NRG1: variants seen among roughly 807,000 people sequenced by gnomAD.
NRG1 encodes the protein neuregulin 1.
In NRG1, 18 loss-of-function variants were observed where a neutral mutation model predicts 63.8. That is an observed-to-expected ratio of 0.28 (90% confidence interval 0.19 to 0.42). The LOEUF (loss-of-function observed/expected upper bound fraction) is 0.42, where lower values mean the gene tolerates loss of function less well. Ranked by LOEUF, NRG1 falls within the 10% of genes least tolerant of loss-of-function variation. NRG1 has a pLI of 1.00. For synonymous variants in NRG1, 302 were observed against 301.3 expected, an observed-to-expected ratio of 1.00 and a Z score of -0.02; for missense variants, 762 against 814.7, an observed-to-expected ratio of 0.94 and a Z score of 0.79.
intron 1 of NRG1, among the ~76,000 whole-genome samples, chr8:32,300,328 G>A (rs1446523471): frequency 3.9e-5 from 6 of 152,292 alleles, no homozygotes; most frequent in Non-Finnish European, 8.8e-5. Context: ...AATTAGTATA[G>A]CCAAATTTTA....
chr8:31,711,275 T>C (rs1024905441), intron 1 of NRG1, among the ~76,000 whole-genome samples: 8 of 152,194 alleles, frequency 5.3e-5, no homozygotes, highest in Admixed American at 2.0e-4. Flanking sequence ...CCTACTACTG[T>C]CGTCAAGAAA....
chr8:31,721,397 C>T lies in NRG1; in HGVS notation c.37+81966C>T, dbSNP rs189688780. Among the ~76,000 whole-genome samples the T allele has an allele frequency of 4.5e-3, 682 of 152,176 alleles. 8 individuals carry two copies. The highest frequency in any genetic ancestry group is 0.015 in the African/African-American group (639 of 41,510). ...TTTAGAACTAAGATAGGCATAATTC[C>T]TAATTTATCTGTGCTCCCCCTTATG... On this transcript the variant is annotated intron_variant, in intron 1 of 10. Coordinates refer to the NRG1 transcript ENST00000519301.
chr8:32,688,263 T>C (rs901132329), intron 5 of NRG1, among the ~76,000 whole-genome samples: 2 of 152,334 alleles, frequency 1.3e-5, no homozygotes, highest in Admixed American at 1.3e-4. Context: ...CAGTGCTCTT[T>C]ATACTTTTCA....
chr8:32,717,964 T>A (rs1564018439), intron 5 of NRG1, among the ~76,000 whole-genome samples: 1 of 152,164 alleles, frequency 6.6e-6, no homozygotes, highest in Non-Finnish European at 1.5e-5. Context: ...TTTCCTGGAG[T>A]GAAGATGCTT....
intron 6 of NRG1, 24 bp from the exon 7 acceptor site, chr8:32,741,984 G>A (rs1160147537): frequency 1.3e-6 from 2 of 1,560,326 alleles, no homozygotes; most frequent in South Asian, 1.2e-5. Flanking sequence ...TTTTTTTTTT[G>A]CTTACCACAT....
chr8:31,673,497 C>T (rs1807368964), intron 1 of NRG1, among the ~76,000 whole-genome samples: 1 of 152,172 alleles, frequency 6.6e-6, no homozygotes, highest in Non-Finnish European at 1.5e-5. Flanking sequence ...ACCAGATCAT[C>T]AAGCTTATTA....
At chr8:31,871,374 C>G (rs1248797980) in intron 1 of NRG1, among the ~76,000 whole-genome samples, 1 of 152,112 alleles carries the variant, frequency 6.6e-6, no homozygotes, top group South Asian at 2.1e-4. Context: ...GTTGCGTTGC[C>G]ATAAGAGACC....
At chr8:32,759,275 ATCT>A (rs1290606650) in intron 9 of NRG1, 28 bp from the exon 10 acceptor site, 2 of 1,607,028 alleles carry the variant, frequency 1.2e-6, no homozygotes, top group Admixed American at 1.7e-5. Flanking sequence ...ATCTACGTGA[ATCT>A]TCAAGTTGTG....
chr8:31,700,742 C>G (rs1810547659), intron 1 of NRG1, among the ~76,000 whole-genome samples: 1 of 152,118 alleles, frequency 6.6e-6, no homozygotes, highest in South Asian at 2.1e-4. Flanking sequence ...TTCCTATGCC[C>G]TCCCTGTTTG....
intron 7 of NRG1, among the ~76,000 whole-genome samples, chr8:32,746,867 C>CT (rs376346951): frequency 0.032 from 4,019 of 127,282 alleles, 125 homozygotes; most frequent in East Asian, 0.13. Context: ...GTGTATTCTG[C>CT]TTTTTTTTTT....
At chr8:31,781,690 G>A (rs1321214706) in intron 1 of NRG1, among the ~76,000 whole-genome samples, 1 of 152,076 alleles carries the variant, frequency 6.6e-6, no homozygotes, top group Admixed American at 6.6e-5. Flanking sequence ...CCAAGATATG[G>A]CTCTGAATTA....
At chr8:32,303,127 A>G (rs1441772830) in intron 1 of NRG1, among the ~76,000 whole-genome samples, 1 of 139,006 alleles carries the variant, frequency 7.2e-6, no homozygotes, top group East Asian at 2.4e-4. Context: ...ACTTGCAGTG[A>G]GCCAGATTGC....
chr8:32,265,464 C>T (rs1850825449), intron 1 of NRG1, among the ~76,000 whole-genome samples: 1 of 151,924 alleles, frequency 6.6e-6, no homozygotes, highest in Non-Finnish European at 1.5e-5. Context: ...TCCAGTTGAC[C>T]CTCCCTGTCT....
intron 1 of NRG1, among the ~76,000 whole-genome samples, chr8:32,174,887 A>C (rs1398002586): frequency 2.0e-5 from 3 of 152,160 alleles, no homozygotes. Context: ...ATTCACAGCC[A>C]AATTCTACCG....
intron 1 of NRG1, among the ~76,000 whole-genome samples, chr8:32,014,889 A>T (rs1416667584): frequency 2.0e-5 from 3 of 152,144 alleles, no homozygotes; most frequent in African/African-American, 7.2e-5. Context: ...GAGACAGACA[A>T]GTCCAAAGAG....
At chr8:32,128,804 C>T (rs1296039694) in intron 1 of NRG1, among the ~76,000 whole-genome samples, 1 of 151,940 alleles carries the variant, frequency 6.6e-6, no homozygotes, top group Admixed American at 6.6e-5. Context: ...AAAGCCTTCT[C>T]AATCTGTGCC....
intron 1 of NRG1, among the ~76,000 whole-genome samples, chr8:32,219,687 A>G (rs1845609959): frequency 6.6e-6 from 1 of 152,240 alleles, no homozygotes; most frequent in South Asian, 2.1e-4. Flanking sequence ...CAGTGAGTAA[A>G]GTGCAGTTTC....
At chr8:31,718,530 A>G (rs773401688) in intron 1 of NRG1, among the ~76,000 whole-genome samples, 1 of 152,180 alleles carries the variant, frequency 6.6e-6, no homozygotes, top group Non-Finnish European at 1.5e-5. Flanking sequence ...ACCATCCCCA[A>G]TTCTCTGTTT....
At chr8:32,241,983 C>G (rs1420314440) in intron 1 of NRG1, among the ~76,000 whole-genome samples, 1 of 152,010 alleles carries the variant, frequency 6.6e-6, no homozygotes, top group African/African-American at 2.4e-5. Flanking sequence ...AAACTCCTAG[C>G]CTCAAGAAAT....
Sources: gnomAD v4.1 joint callset for allele counts (sites outside exome capture counted in the v4.1 genomes callset) on GRCh38, gnomAD v4.1.1 for gene constraint, MANE v1.5 for transcripts, NCBI Gene and HGNC (gene_info 2026-07-23, HGNC 2026-07-21) for gene names.